The following SEMA3F variants were observed in gnomAD, a reference collection of about 807,000 sequenced individuals.
The protein encoded by SEMA3F is semaphorin 3F, also known as semaphorin-3F.
SEMA3F carries 30 observed loss-of-function variants against 98.5 expected under a neutral mutation model. The observed-to-expected ratio is 0.30, with a 90% CI of 0.23 to 0.41. SEMA3F has a LOEUF of 0.41. Ranked by LOEUF, SEMA3F falls within the 10% of genes least tolerant of loss-of-function variation. The pLI, the probability that SEMA3F is intolerant of heterozygous loss-of-function variation, is 1.00. For missense variants in SEMA3F, 866 were observed against 1,119.3 expected (o/e 0.77, Z 3.23); for synonymous variants, 380 against 444.8 (o/e 0.85, Z 1.83).
Position 50,166,140 on chromosome 3 carries a change from C to T in SEMA3F, c.112+6406C>T, listed in dbSNP as rs1028917342. On this transcript the variant is annotated intron_variant, in intron 2 of 18. Transcript: ENST00000002829. The surrounding 1 kb of genome is among the most constrained non-coding windows in gnomAD (Gnocchi z 4.7). ...TACTCCCCCTTGCCTCCACCCCTCC[C>T]TTTGCCACCCCTCTTGGCTTCCTAC... 6.6e-6 allele frequency among the ~76,000 whole-genome samples: 1 copy of T among 152,118 alleles called. No individual in the cohort carries two copies. Among genetic ancestry groups the T allele is most frequent in the Non-Finnish European group, 1.5e-5 (1 of 68,010 alleles).
Position 50,159,617 on chromosome 3 carries a change from C to T in SEMA3F, c.-6C>T, listed in dbSNP as rs965199881. 1.3e-6 allele frequency: 2 copies of T among 1,589,272 alleles called. No individual in the cohort carries two copies. On this transcript the variant is annotated 5_prime_UTR_variant, in exon 2 of 19. Coordinates refer to ENST00000002829, the MANE Select transcript of SEMA3F (RefSeq NM_004186.5). ...CCTGCTTCCTGGGCCCTAGGCCCCT[C>T]CCACAATGCTTGTCGCCGGTCTTCT...
chr3:50,184,751 A>G lies in SEMA3F; in HGVS notation c.1393A>G (p.Thr465Ala), dbSNP rs1224808712. 1.9e-6 allele frequency: 3 copies of G among 1,613,894 alleles called. No individual in the cohort carries two copies. The highest frequency in any genetic ancestry group is 1.7e-6 in the Non-Finnish European group (2 of 1,179,972). The part of the protein sequence containing the change: ...VRTGAPYRLT[T>A]IAVDQVDAAD... ...CACAGGTGCTCCCTACCGCCTTACC[A>G]CTATTGCCGTGGACCAGGTGGATGC... Residue 465 changes from threonine to alanine, a missense_variant, in exon 13 of 19, where the codon ACT becomes GCT. Transcript: ENST00000002829.
In SEMA3F at chr3:50,182,597, G is replaced by A; in HGVS notation, c.764-47G>A. 1.3e-6 allele frequency: 2 copies of A among 1,599,192 alleles called. No homozygotes were observed. Among genetic ancestry groups the A allele is most frequent in the Non-Finnish European group, 1.7e-6 (2 of 1,169,704 alleles). ...GGGATTCTGTTGGAGAACATCAGGG[G>A]CACCATCAGAGTAGGGGCTCACCCA... is the stretch of plus-strand genomic sequence containing the variant. On this transcript the variant is annotated intron_variant, in intron 8 of 18. Coordinates refer to ENST00000002829, the MANE Select transcript of SEMA3F (RefSeq NM_004186.5). The surrounding 1 kb of genome is among the most constrained non-coding windows in gnomAD (Gnocchi z 4.5).
At chr3:50,162,510 C>T (rs1378289535) in intron 2 of SEMA3F, among the ~76,000 whole-genome samples, 1 of 152,060 alleles carries the variant, frequency 6.6e-6, no homozygotes, top group African/African-American at 2.4e-5. Context: ...CTGGACAGAC[C>T]CTCCTTCCTT....
intron 2 of SEMA3F, among the ~76,000 whole-genome samples, chr3:50,171,404 G>A (rs979197687): frequency 4.6e-5 from 7 of 152,136 alleles, no homozygotes; most frequent in African/African-American, 1.7e-4. Context: ...TGGAGCTTGG[G>A]GATTATGGCT....
rs1039518664 is a variant in SEMA3F at position 50,176,709 on chromosome 3, T to A, written c.550-59T>A. 5 of 1,298,978 alleles carry A rather than the reference T, an allele frequency of 3.8e-6. No individual in the cohort carries two copies. The African/African-American group carries it at 7.3e-5, about 19-fold the overall frequency. 80.5% of individuals were successfully genotyped at this position (1,298,978 alleles called of 1,614,324 possible). A position where few individuals can be genotyped will look rare whatever the true frequency, so the allele number is the denominator to read the frequency against. ...TCTCACCCTGGGAGCCTGGTGACCC[T>A]TACACTTCCTGGCTGGGGGACTGGC... On this transcript the variant is annotated intron_variant, in intron 6 of 18. Transcript: ENST00000002829.
intron 16 of SEMA3F, 100 bp from the exon 17 acceptor site, chr3:50,186,181 G>T: frequency 6.8e-7 from 1 of 1,477,490 alleles, no homozygotes. Flanking sequence ...AGACATCACT[G>T]CCCTGGGGAA....
chr3:50,176,697 G>A, intron 6 of SEMA3F, 71 bp from the exon 7 acceptor site: 2 of 1,104,384 alleles, frequency 1.8e-6, no homozygotes, highest in Non-Finnish European at 2.8e-6. Context: ...CACCCTGGGA[G>A]CCTGGTGACC....
chr3:50,187,585 A>C, intron 18 of SEMA3F, 120 bp from the exon 19 acceptor site: 1 of 688,866 alleles, frequency 1.5e-6, no homozygotes, highest in Non-Finnish European at 2.3e-6. Flanking sequence ...TTTCTGGCAT[A>C]TGGAAATCCC....
At position 50,188,224 on chromosome 3, in the gene SEMA3F, C is replaced by A; in HGVS notation, c.*109C>A. 2.6e-6 allele frequency: 1 copy of A among 389,656 alleles called. No individual in the cohort carries two copies. Among genetic ancestry groups the A allele is most frequent in the Non-Finnish European group, 3.9e-6 (1 of 255,060 alleles). The allele number at this position is 389,656 out of a possible 1,614,324, so 24.1% of individuals were successfully genotyped here. A position where few individuals can be genotyped will look rare whatever the true frequency, so the allele number is the denominator to read the frequency against. On this transcript the variant is annotated 3_prime_UTR_variant, in exon 19 of 19. Transcript: ENST00000002829. The surrounding 1 kb of genome is among the most constrained non-coding windows in gnomAD (Gnocchi z 4.5). ...AAAATATCTATATTCTATACACACC[C>A]TGCCCCTGCAAAGACAGTATTTATT...
Position 50,187,730 on chromosome 3 carries a change from G to A in SEMA3F, c.1973G>A (p.Arg658His), listed in dbSNP as rs762295414. The change falls in exon 19 of 19, where the codon CGC becomes CAC. Residue 658 changes from arginine to histidine, a missense_variant. By Grantham distance (29) the Arg-to-His change is conservative. This residue lies in a region of SEMA3F where 245 missense variants were observed against 260.5 expected (regional missense o/e 0.94). Transcript: ENST00000002829. ...REIRAEDRFLRTEQGLLLRAL... is the reference protein window; with the variant it reads ...REIRAEDRFLHTEQGLLLRAL... ...ATTCGTGCAGAGGACCGCTTCCTGC[G>A]CACAGAGCAGGGCTTGTTGCTCCGT... is the stretch of plus-strand genomic sequence containing the variant. The A allele has an allele frequency of 1.1e-5, 18 of 1,603,194 alleles. No homozygotes were observed. The highest frequency in any genetic ancestry group is 2.7e-5 in the African/African-American group (2 of 74,750).
rs1697974232 is a variant in SEMA3F, at chr3:50,156,206, C to G, written c.-49+642C>G. The G allele has an allele frequency of 6.6e-6, 1 of 152,402 alleles. No homozygotes were observed. Among genetic ancestry groups the G allele is most frequent in the African/African-American group, 2.4e-5 (1 of 41,456 alleles). The allele number at this position is 152,402 out of a possible 1,614,324, so 9.4% of individuals were successfully genotyped here. On this transcript the variant is annotated intron_variant, in intron 1 of 18. Coordinates refer to ENST00000002829, the MANE Select transcript of SEMA3F (RefSeq NM_004186.5). This position sits in a 1 kb window ranked among gnomAD's most constrained non-coding sequence, Gnocchi z 4.5. ...TAGTGTGTAGGTGAGCTTGGAGAGCCTGCGGTCAATCCCTAGTTTGAACCA... is the reference window on the plus strand; with the variant it reads ...TAGTGTGTAGGTGAGCTTGGAGAGCGTGCGGTCAATCCCTAGTTTGAACCA...
At chr3:50,178,049 C>T (rs1698881397) in intron 7 of SEMA3F, among the ~76,000 whole-genome samples, 1 of 152,102 alleles carries the variant, frequency 6.6e-6, no homozygotes, top group Non-Finnish European at 1.5e-5. Flanking sequence ...CGAGACCACC[C>T]TGGCCAACAT....
At position 50,174,255 on chromosome 3, in the gene SEMA3F, C is replaced by G; in HGVS notation, c.361C>G (p.Leu121Val). Reference sequence around the variant, plus strand: ...GGGCGAGTGTGGGAACTTCGTCAGGCTCATCCAGCCCTGGAACCGAACACA... The same window carrying G: ...GGGCGAGTGTGGGAACTTCGTCAGGGTCATCCAGCCCTGGAACCGAACACA... Reference protein sequence around the residue: ...VNGECGNFVRLIQPWNRTHLY... With the variant: ...VNGECGNFVRVIQPWNRTHLY... The change falls in exon 5 of 19, where the codon CTC becomes GTC. Residue 121 changes from leucine (L) to valine (V), a missense_variant. By Grantham distance (32) the Leu-to-Val change is conservative (BLOSUM62 1). Transcript: ENST00000002829. The G allele has an allele frequency of 6.2e-7, 1 of 1,613,762 alleles. No individual in the cohort carries two copies. The highest frequency in any genetic ancestry group is 1.6e-4 in the Middle Eastern group (1 of 6,062).
chr3:50,173,474 A>G (rs1232280807), intron 2 of SEMA3F: 6 of 318,666 alleles, frequency 1.9e-5, no homozygotes, highest in African/African-American at 6.5e-5. Flanking sequence ...TCCATCTCAA[A>G]AAACAAACAA....
intron 2 of SEMA3F, 36 bp from the exon 3 acceptor site, chr3:50,173,757 G>C: frequency 1.9e-6 from 3 of 1,603,784 alleles, no homozygotes; most frequent in Non-Finnish European, 1.7e-6. Context: ...ATGGTTTCCT[G>C]AAGGTCCTAA....
At chr3:50,159,790 G>C (rs1180772293) in intron 2 of SEMA3F, 56 bp downstream of exon 2, 2 of 1,173,588 alleles carry the variant, frequency 1.7e-6, no homozygotes, top group East Asian at 2.4e-5. Context: ...AATAGCGCTC[G>C]GCTCCTCTGC....
In SEMA3F at chr3:50,169,472, G is replaced by A. The variant is rs369106658; in HGVS notation, c.113-4321G>A. ...ATGCCAGAAAAGGCTCTTCCTTCCCGATGATGGGAAAATCCTTCCCGGATG... is the reference window on the plus strand; with the variant it reads ...ATGCCAGAAAAGGCTCTTCCTTCCCAATGATGGGAAAATCCTTCCCGGATG... On this transcript the variant is annotated intron_variant, in intron 2 of 18. Coordinates refer to ENST00000002829, the MANE Select transcript of SEMA3F (RefSeq NM_004186.5). Among the ~76,000 whole-genome samples the A allele has an allele frequency of 5.6e-4, 85 of 152,254 alleles. 2 individuals carry two copies. In the South Asian group the frequency reaches 0.016, roughly 29 times the overall value.
Position 50,155,354 on chromosome 3 carries a change from CTGGGG to C in SEMA3F, c.-258_-254del. ...CCCCTGAGCCTTCCCATGGCCCGGG[CTGGGG>C]CCCGGGCCCTCGGCTGCTGACGCGC... On this transcript the variant is annotated 5_prime_UTR_variant, in exon 1 of 19. An upstream open reading frame in the 5' UTR loses its in-frame stop. Coordinates refer to ENST00000002829, the MANE Select transcript of SEMA3F (RefSeq NM_004186.5). This position sits in a 1 kb window ranked among gnomAD's most constrained non-coding sequence, Gnocchi z 4.9. 3.4e-6 allele frequency: 1 copy of C among 296,118 alleles called. No homozygotes were observed. Among genetic ancestry groups the C allele is most frequent in the Non-Finnish European group, 6.1e-6 (1 of 162,626 alleles). 18.3% of individuals were successfully genotyped at this position (296,118 alleles called of 1,614,324 possible). A position where few individuals can be genotyped will look rare whatever the true frequency, so the allele number is the denominator to read the frequency against.
Sources: allele counts gnomAD v4.1 joint callset (sites outside exome capture counted in the v4.1 genomes callset), GRCh38; gene constraint gnomAD v4.1.1; regional missense constraint gnomAD v4.1.1; non-coding constraint Gnocchi (gnomAD v3.1); transcripts MANE v1.5; gene names NCBI Gene and HGNC (gene_info 2026-07-23, HGNC 2026-07-21).